LRP6: variants seen among roughly 807,000 people sequenced by gnomAD.
The protein encoded by LRP6 is low-density lipoprotein receptor-related protein 6.
LRP6 carries 43 observed loss-of-function variants against 184.1 expected under a neutral mutation model. The observed-to-expected ratio is 0.23, with a 90% confidence interval of 0.18 to 0.30. LRP6 has a LOEUF of 0.30. Among genes scored for constraint, LRP6 ranks in the 10% least tolerant of loss-of-function variants. The probability of loss-of-function intolerance (pLI) is 1.00; values close to 1 mark genes in which losing one functional copy is unlikely to be tolerated. For missense variants in LRP6, 1,571 were observed against 2,005.3 expected (o/e 0.78, Z 4.14); for synonymous variants, 719 against 684.9 (o/e 1.05, Z -0.78).
intron 2 of LRP6, among the ~76,000 whole-genome samples, chr12:12,221,769 C>A (rs892833616): frequency 2.0e-4 from 31 of 152,164 alleles, no homozygotes; most frequent in African/African-American, 7.5e-4. Flanking sequence ...AACTCATTAA[C>A]CACTGACCCT....
intron 13 of LRP6, 67 bp downstream of exon 13, chr12:12,150,769 A>C (rs1950070508): frequency 6.5e-7 from 1 of 1,539,026 alleles, no homozygotes; most frequent in Non-Finnish European, 9.0e-7. Flanking sequence ...ACTTAAGTGA[A>C]ACAGAGTGGT....
chr12:12,151,788 C>T (rs1035242234), intron 12 of LRP6, among the ~76,000 whole-genome samples: 1 of 152,026 alleles, frequency 6.6e-6, no homozygotes, highest in Non-Finnish European at 1.5e-5. Context: ...AGCAATCCTC[C>T]CACCTTGGCC....
In LRP6 at chr12:12,126,905, T is replaced by C. The variant is rs1949679603; in HGVS notation, c.4098A>G (p.Pro1366=). 1 of 1,614,130 alleles carries C rather than the reference T, an allele frequency of 6.2e-7. No homozygotes were observed. Among genetic ancestry groups the C allele is most frequent in the Non-Finnish European group, 8.5e-7 (1 of 1,179,934 alleles). ...DELDCYPTEE[P]APQATNTVGS... is the part of the protein sequence containing the mutation. Reference sequence around the variant, plus strand: ...CAACTGTATTGGTGGCCTGTGGTGCTGGTTCTTCAGTCGGATCTACAATGA... The same window carrying C: ...CAACTGTATTGGTGGCCTGTGGTGCCGGTTCTTCAGTCGGATCTACAATGA... The change falls in exon 20 of 23, where the codon CCA becomes CCG. Residue 1366 remains proline, a synonymous_variant. Coordinates refer to ENST00000261349, the MANE Select transcript of LRP6 (RefSeq NM_002336.3).
At chr12:12,148,899 G>A (rs1357919584) in intron 14 of LRP6, 43 bp downstream of exon 14, 2 of 1,399,360 alleles carry the variant, frequency 1.4e-6, no homozygotes, top group Admixed American at 3.3e-5. Flanking sequence ...GGTGAGGAGA[G>A]TCTCAGAAGC....
At chr12:12,238,926 T>TA (rs961659316) in intron 2 of LRP6, among the ~76,000 whole-genome samples, 54 of 151,792 alleles carry the variant, frequency 3.6e-4, no homozygotes, top group African/African-American at 9.9e-4. Flanking sequence ...ATTCAACTCG[T>TA]AAAAAAAACA....
At chr12:12,197,897 A>G (rs1168765681) in intron 3 of LRP6, among the ~76,000 whole-genome samples, 1 of 152,202 alleles carries the variant, frequency 6.6e-6, no homozygotes, top group East Asian at 1.9e-4. Flanking sequence ...ACAAAAAATT[A>G]GTCAGGTGTG....
chr12:12,169,703 G>A (rs1862981262), intron 7 of LRP6, among the ~76,000 whole-genome samples: 1 of 152,198 alleles, frequency 6.6e-6, no homozygotes, highest in African/African-American at 2.4e-5. Flanking sequence ...TTACTCACTT[G>A]AGCACTAGTC....
rs1241293266 is a variant in LRP6, at chr12:12,167,007, G to A, written c.1546-1712C>T. ...CTAGCTACTAGGGAGGCTAAAGCAG[G>A]CAGATTGCTTGAGCCCAGGAGTTTG... On this transcript the variant is annotated intron_variant, in intron 7 of 22. Coordinates refer to ENST00000261349, the MANE Select transcript of LRP6 (RefSeq NM_002336.3). Among the ~76,000 whole-genome samples the A allele has an allele frequency of 2.0e-5, 3 of 152,178 alleles. No homozygotes were observed. The East Asian group carries it at 5.8e-4, about 29-fold the overall frequency.
intron 15 of LRP6, among the ~76,000 whole-genome samples, chr12:12,144,569 A>G (rs1163382345): frequency 6.6e-6 from 1 of 152,216 alleles, no homozygotes; most frequent in Non-Finnish European, 1.5e-5. Context: ...TGAGCTAGGG[A>G]GTTTGAGGCT....
intron 9 of LRP6, 26 bp downstream of exon 9, chr12:12,164,247 T>C: frequency 6.2e-7 from 1 of 1,608,068 alleles, no homozygotes; most frequent in Non-Finnish European, 8.5e-7. Flanking sequence ...AGTCCCTAGC[T>C]TTAATATTCC....
intron 2 of LRP6, among the ~76,000 whole-genome samples, chr12:12,213,914 T>C (rs977550700): frequency 2.6e-5 from 4 of 152,178 alleles, no homozygotes; most frequent in African/African-American, 9.7e-5. Flanking sequence ...ATCTGCAAAG[T>C]GAATACTTCA....
chr12:12,160,948 G>A (rs1862728119), intron 10 of LRP6, among the ~76,000 whole-genome samples: 1 of 152,232 alleles, frequency 6.6e-6, no homozygotes, highest in South Asian at 2.1e-4. Flanking sequence ...TGACTTGGTA[G>A]CAATGTATGA....
At chr12:12,258,165 G>A (rs1367379894) in intron 1 of LRP6, among the ~76,000 whole-genome samples, 1 of 152,126 alleles carries the variant, frequency 6.6e-6, no homozygotes, top group Non-Finnish European at 1.5e-5. Context: ...TCTGTGATAT[G>A]GAGTGCAGTG....
At chr12:12,157,841 AC>A (rs1862636582) in intron 12 of LRP6, among the ~76,000 whole-genome samples, 2 of 152,078 alleles carry the variant, frequency 1.3e-5, no homozygotes, top group Non-Finnish European at 2.9e-5. Context: ...TTGTCTATCC[AC>A]CAAGAAATGG....
At chr12:12,236,596 C>A (rs986875886) in intron 2 of LRP6, among the ~76,000 whole-genome samples, 1 of 152,156 alleles carries the variant, frequency 6.6e-6, no homozygotes, top group Non-Finnish European at 1.5e-5. Flanking sequence ...GTAACGGGCT[C>A]GGTCCTAAAA....
At chr12:12,174,976 CAT>C (rs1202103756) in intron 7 of LRP6, among the ~76,000 whole-genome samples, 2 of 152,188 alleles carry the variant, frequency 1.3e-5, no homozygotes, top group African/African-American at 4.8e-5. Flanking sequence ...AGCAAATACA[CAT>C]GTTCTTACAG....
At chr12:12,186,132 C>T (rs1863467798) in intron 4 of LRP6, among the ~76,000 whole-genome samples, 1 of 152,112 alleles carries the variant, frequency 6.6e-6, no homozygotes. Flanking sequence ...CAGGCATGAG[C>T]CACCGCGCCT....
chr12:12,184,237 C>T, intron 4 of LRP6, 126 bp from the exon 5 acceptor site: 1 of 754,180 alleles, frequency 1.3e-6, no homozygotes. Flanking sequence ...GCTTGACTAT[C>T]AAACCATCTG....
intron 1 of LRP6, among the ~76,000 whole-genome samples, chr12:12,257,295 C>T (rs1459735439): frequency 6.6e-6 from 1 of 151,988 alleles, no homozygotes; most frequent in African/African-American, 2.4e-5. Context: ...AAGTACTTGA[C>T]AGGCCGGGTG....
Sources: allele counts gnomAD v4.1 joint callset (sites outside exome capture counted in the v4.1 genomes callset), GRCh38; gene constraint gnomAD v4.1.1; transcripts MANE v1.5; gene names NCBI Gene and HGNC (gene_info 2026-07-23, HGNC 2026-07-21).